Variants in GRIP1 observed in about 807,000 individuals in gnomAD.
GRIP1 encodes glutamate receptor interacting protein 1.
GRIP1 carries 45 observed loss-of-function variants against 129.9 expected under a neutral mutation model. The ratio of observed to expected loss-of-function variants is 0.35; its 90% CI spans 0.27 to 0.44. The LOEUF (loss-of-function observed/expected upper bound fraction) is 0.44, where lower values mean the gene tolerates loss of function less well. Ranked by LOEUF, GRIP1 falls within the 20% of genes least tolerant of loss-of-function variation. The probability of loss-of-function intolerance (pLI) is 1.00; values close to 1 mark genes in which losing one functional copy is unlikely to be tolerated. For synonymous variants in GRIP1, 530 were observed against 520.8 expected, an observed-to-expected ratio of 1.02 and a Z score of -0.24; for missense variants, 1,196 against 1,396.8, an observed-to-expected ratio of 0.86 and a Z score of 2.29.
rs554136232 is a variant in GRIP1, at chr12:66,572,743, A to T, written c.136+24104T>A. On this transcript the variant is annotated intron_variant, in intron 2 of 24. Transcript: ENST00000359742. ...ACCCAGTAATGGTCTGAATACCCCC[A>T]GTGTGAGAAACTAATCCTCCCAGAA... is the stretch of plus-strand genomic sequence containing the variant. 3.3e-5 allele frequency among the ~76,000 whole-genome samples: 5 copies of T among 152,288 alleles called. No homozygotes were observed. In the South Asian group the frequency reaches 8.3e-4, roughly 25 times the overall value.
chr12:66,617,083 TTTTGTGTGTGTG>T lies in GRIP1; in HGVS notation c.56-20168_56-20157del, dbSNP rs2065070047. Among the ~76,000 whole-genome samples, 4 of 51,152 alleles carry T rather than the reference TTTTGTGTGTGTG, an allele frequency of 7.8e-5. 1 individual carries two copies. Among genetic ancestry groups the T allele is most frequent in the Non-Finnish European group, 1.4e-4 (3 of 21,566 alleles). 33.6% of individuals were successfully genotyped at this position (51,152 alleles called of 152,430 possible). A position where few individuals can be genotyped will look rare whatever the true frequency, so the allele number is the denominator to read the frequency against. ...GGAGCAACTTGACAAGCAACAGACG[TTTTGTGTGTGTG>T]TGTGTGTGTGTGTGTGTGTGTGTGT... is the stretch of plus-strand genomic sequence containing the variant. On this transcript the variant is annotated intron_variant, in intron 1 of 24. Transcript: ENST00000359742.
intron 1 of GRIP1, among the ~76,000 whole-genome samples, chr12:66,985,206 A>G (rs1040634141): frequency 1.3e-5 from 2 of 152,188 alleles, no homozygotes; most frequent in African/African-American, 4.8e-5. Flanking sequence ...ACTTCCAACT[A>G]CTGGCCAAGG....
intron 1 of GRIP1, among the ~76,000 whole-genome samples, chr12:66,705,831 G>A (rs1281802112): frequency 6.6e-6 from 1 of 152,146 alleles, no homozygotes; most frequent in Non-Finnish European, 1.5e-5. Context: ...AGTAAATGGT[G>A]TTAGGAAAAC....
At chr12:66,576,743 C>T (rs905164900) in intron 2 of GRIP1, among the ~76,000 whole-genome samples, 4 of 152,176 alleles carry the variant, frequency 2.6e-5, no homozygotes, top group Admixed American at 2.6e-4. Flanking sequence ...TCTTCTCAAA[C>T]ATTACTGGCA....
At chr12:66,595,677 A>G (rs2064021312) in intron 2 of GRIP1, among the ~76,000 whole-genome samples, 1 of 152,244 alleles carries the variant, frequency 6.6e-6, no homozygotes, top group South Asian at 2.1e-4. Flanking sequence ...AATAGAAGAC[A>G]TCTCGGCACT....
At chr12:66,717,583 T>C (rs752455838) in intron 1 of GRIP1, among the ~76,000 whole-genome samples, 5 of 152,270 alleles carry the variant, frequency 3.3e-5, no homozygotes, top group South Asian at 2.1e-4. Flanking sequence ...AAGAAATGTA[T>C]TGCCAAAGTG....
intron 1 of GRIP1, among the ~76,000 whole-genome samples, chr12:66,695,590 T>C (rs961775400): frequency 6.6e-6 from 1 of 152,220 alleles, no homozygotes; most frequent in Non-Finnish European, 1.5e-5. Context: ...GCTACAGTGT[T>C]GTTGCTAGCT....
chr12:66,446,039 T>G (rs890333531), intron 11 of GRIP1, among the ~76,000 whole-genome samples: 4 of 152,108 alleles, frequency 2.6e-5, no homozygotes, highest in Non-Finnish European at 5.9e-5. Flanking sequence ...TCCTCAACCT[T>G]AATCTAGTGT....
At chr12:66,478,674 T>C (rs1252380081) in intron 7 of GRIP1, among the ~76,000 whole-genome samples, 4 of 151,020 alleles carry the variant, frequency 2.6e-5, no homozygotes, top group Admixed American at 6.6e-5. Flanking sequence ...GTGGCACATA[T>C]ACACCATGGA....
At chr12:66,471,713 T>C (rs1254519143) in intron 7 of GRIP1, among the ~76,000 whole-genome samples, 1 of 152,232 alleles carries the variant, frequency 6.6e-6, no homozygotes, top group Non-Finnish European at 1.5e-5. Flanking sequence ...TCATGGGCTT[T>C]TATATACAGA....
At chr12:66,653,850 A>C (rs540951833) in intron 1 of GRIP1, among the ~76,000 whole-genome samples, 56 of 152,332 alleles carry the variant, frequency 3.7e-4, no homozygotes, top group African/African-American at 1.3e-3. Flanking sequence ...ACTGAAATAT[A>C]CACAATTGAG....
intron 15 of GRIP1, 133 bp downstream of exon 15, chr12:66,420,587 T>C (rs546475437): frequency 8.6e-6 from 6 of 701,692 alleles, no homozygotes; most frequent in South Asian, 6.1e-5. Flanking sequence ...ATATGATCAA[T>C]TAATAGTGGC....
At chr12:66,984,930 G>A (rs1305813919) in intron 1 of GRIP1, among the ~76,000 whole-genome samples, 1 of 152,158 alleles carries the variant, frequency 6.6e-6, no homozygotes, top group Admixed American at 6.6e-5. Flanking sequence ...TCCAGGCAGG[G>A]CTCCTCTCTT....
At chr12:66,972,946 G>C (rs967616267) in intron 1 of GRIP1, among the ~76,000 whole-genome samples, 3 of 152,188 alleles carry the variant, frequency 2.0e-5, no homozygotes, top group African/African-American at 7.2e-5. Flanking sequence ...GGGGTGAAAA[G>C]AGAAGATGAA....
chr12:66,414,342 C>A (rs1230082347), intron 15 of GRIP1, among the ~76,000 whole-genome samples: 1 of 152,064 alleles, frequency 6.6e-6, no homozygotes, highest in Non-Finnish European at 1.5e-5. Flanking sequence ...CTCCCATTCA[C>A]AATTGCTACA....
chr12:66,427,801 A>T (rs2058032000), intron 14 of GRIP1, among the ~76,000 whole-genome samples: 1 of 152,100 alleles, frequency 6.6e-6, no homozygotes, highest in Non-Finnish European at 1.5e-5. Context: ...TTTTTTGCGG[A>T]TCCTAAGTTT....
chr12:66,791,164 G>A (rs2038520985), intron 1 of GRIP1, among the ~76,000 whole-genome samples: 1 of 152,190 alleles, frequency 6.6e-6, no homozygotes, highest in Non-Finnish European at 1.5e-5. Flanking sequence ...AAGTGAACCA[G>A]GCATCTGCTT....
intron 1 of GRIP1, among the ~76,000 whole-genome samples, chr12:66,993,777 T>C (rs2042427741): frequency 8.7e-6 from 1 of 114,892 alleles, no homozygotes; most frequent in South Asian, 2.8e-4. Context: ...GACAACAGCA[T>C]GAGGCTGTCT....
At chr12:66,533,615 G>A (rs771658540) in intron 4 of GRIP1, among the ~76,000 whole-genome samples, 47 of 151,798 alleles carry the variant, frequency 3.1e-4, no homozygotes, top group Admixed American at 5.3e-4. Context: ...ACTGCACTCC[G>A]GCCTGGGTGA....
Sources: allele counts gnomAD v4.1 joint callset (sites outside exome capture counted in the v4.1 genomes callset), GRCh38; gene constraint gnomAD v4.1.1; transcripts MANE v1.5; gene names NCBI Gene and HGNC (gene_info 2026-07-23, HGNC 2026-07-21).